The following ACACB variants were observed in gnomAD, a reference collection of about 807,000 sequenced individuals.
The protein encoded by ACACB is acetyl-CoA carboxylase 2.
A neutral mutation model predicts 278.8 loss-of-function variants in ACACB; 209 were observed. That is an observed-to-expected ratio of 0.75 (90% CI 0.67 to 0.84). The LOEUF is 0.84. Ranked by LOEUF, ACACB falls within the 40% of genes least tolerant of loss-of-function variation. The pLI, the probability that ACACB is intolerant of heterozygous loss-of-function variation, is 0.00. For missense variants in ACACB, 2,850 were observed against 3,269.0 expected (o/e 0.87, Z 3.13); for synonymous variants, 1,174 against 1,285.6 (o/e 0.91, Z 1.86).
intron 17 of ACACB, among the ~76,000 whole-genome samples, chr12:109,198,400 C>T (rs552686568): frequency 3.7e-4 from 56 of 152,288 alleles, no homozygotes; most frequent in African/African-American, 1.3e-3. Flanking sequence ...AGGGTCACAT[C>T]CTTTTTATTA....
At chr12:109,164,425 G>A (rs577015942) in intron 2 of ACACB, among the ~76,000 whole-genome samples, 17 of 151,930 alleles carry the variant, frequency 1.1e-4, no homozygotes, top group African/African-American at 4.1e-4. Flanking sequence ...TAGAGATGGG[G>A]TTCACCATAT....
intron 4 of ACACB, 115 bp downstream of exon 4, chr12:109,168,149 G>C: frequency 8.7e-7 from 1 of 1,152,250 alleles, no homozygotes; most frequent in African/African-American, 1.6e-5. Context: ...GACCTCTCAT[G>C]AGTCTGTATT....
Position 109,256,254 on chromosome 12 carries a change from A to C in ACACB, c.6263+18A>C. 6.2e-7 allele frequency: 1 copy of C among 1,609,006 alleles called. No homozygotes were observed. Among genetic ancestry groups the C allele is most frequent in the South Asian group, 1.1e-5 (1 of 90,972 alleles). ...CGAGCAAGGTAATCATGAAGACGGG[A>C]GCAGGCTGCCCATGTCTGACTCACC... is the stretch of plus-strand genomic sequence containing the variant. On this transcript the variant is annotated intron_variant, in intron 45 of 52. Transcript: ENST00000338432.
Position 109,140,245 on chromosome 12 carries a change from TC to T in ACACB, c.653+189del, listed in dbSNP as rs1565857288. Among the ~76,000 whole-genome samples, 3 of 132,540 alleles carry T rather than the reference TC, an allele frequency of 2.3e-5. 1 individual carries two copies. The highest frequency in any genetic ancestry group is 5.2e-5 in the Non-Finnish European group (3 of 58,204). 87.0% of individuals were successfully genotyped at this position (132,540 alleles called of 152,430 possible). On this transcript the variant is annotated intron_variant, in intron 2 of 52. Transcript: ENST00000338432. The stretch of plus-strand genomic sequence containing the variant: ...TTCCTTCCTTCCTTCCTTCCTTCCT[TC>T]CTTCCTTCCATCCTTCCTTCCTTCT...
intron 2 of ACACB, among the ~76,000 whole-genome samples, chr12:109,149,577 C>T (rs1358048204): frequency 1.3e-5 from 2 of 152,144 alleles, no homozygotes; most frequent in African/African-American, 4.8e-5. Flanking sequence ...GAGCAAGACC[C>T]TATCTCTCTT....
At position 109,232,695 on chromosome 12, in the gene ACACB, A is replaced by G; in HGVS notation, c.4028A>G (p.Asn1343Ser). 6.2e-7 allele frequency: 1 copy of G among 1,613,918 alleles called. No homozygotes were observed. The highest frequency in any genetic ancestry group is 8.5e-7 in the Non-Finnish European group (1 of 1,179,988). ...NRMTVPISIT[N>S]PDLLRHSTEL... is the part of the protein sequence containing the mutation. The stretch of plus-strand genomic sequence containing the variant: ...ATGACCGTGCCCATCAGCATCACCA[A>G]CCCTGACCTGCTGAGGCACAGCACA... The change falls in exon 29 of 53, where the codon AAC (asparagine) becomes AGC (serine). Residue 1343 changes from asparagine to serine, a missense_variant. Physicochemically the swap from Asn to Ser is conservative, Grantham distance 46 (BLOSUM62 1). This residue lies in a region of ACACB where 2,265 missense variants were observed against 2,561.3 expected (regional missense o/e 0.88). Transcript: ENST00000338432.
chr12:109,115,495 A>G (rs919473041), upstream of ACACB, among the ~76,000 whole-genome samples: 1 of 152,172 alleles, frequency 6.6e-6, no homozygotes, highest in Non-Finnish European at 1.5e-5. Context: ...TATTGTCTTA[A>G]TAAATAGACT....
At chr12:109,172,219 G>C in intron 5 of ACACB, 56 bp from the exon 6 acceptor site, 1 of 1,549,246 alleles carries the variant, frequency 6.5e-7, no homozygotes, top group South Asian at 1.1e-5. Flanking sequence ...ACTGCACCTG[G>C]CTGGGAGGCA....
intron 43 of ACACB, 146 bp from the exon 44 acceptor site, chr12:109,254,068 C>T: frequency 1.1e-6 from 1 of 927,908 alleles, no homozygotes; most frequent in Non-Finnish European, 1.6e-6. Context: ...TGGCATTTTC[C>T]AATCAGAGCA....
chr12:109,189,302 A>G (rs2136271112), intron 13 of ACACB, among the ~76,000 whole-genome samples: 1 of 152,262 alleles, frequency 6.6e-6, no homozygotes, highest in South Asian at 2.1e-4. Flanking sequence ...AGCTTAGAAT[A>G]ATTAATTTTA....
intron 50 of ACACB, 71 bp downstream of exon 50, chr12:109,264,457 G>C (rs931140181): frequency 6.3e-7 from 1 of 1,584,172 alleles, no homozygotes; most frequent in African/African-American, 1.3e-5. Flanking sequence ...GGACATTTGG[G>C]CTCGGGGGCG....
chr12:109,223,050 C>G, intron 26 of ACACB, 138 bp downstream of exon 26: 2 of 718,876 alleles, frequency 2.8e-6, no homozygotes, highest in Non-Finnish European at 4.7e-6. Flanking sequence ...GACAGTTCAG[C>G]CCAATGTGGC....
chr12:109,215,748 T>G (rs1011712899), intron 22 of ACACB, among the ~76,000 whole-genome samples: 13 of 152,178 alleles, frequency 8.5e-5, no homozygotes, highest in African/African-American at 2.9e-4. Flanking sequence ...CCTGGCCGAC[T>G]GAGCGAGACT....
chr12:109,116,497 C>T (rs1279610259), upstream of ACACB: 2 of 152,242 alleles, frequency 1.3e-5, no homozygotes, highest in African/African-American at 2.4e-5. Flanking sequence ...ATCTTTGCCC[C>T]GGGTTGTTGC....
chr12:109,222,498 T>A lies in ACACB; in HGVS notation c.3565-9T>A, dbSNP rs997267108. On this transcript the variant is annotated splice_polypyrimidine_tract_variant and intron_variant, in intron 24 of 52. Transcript: ENST00000338432. Reference sequence around the variant, plus strand: ...AAAAGCCATTTGGCTTCTTTTTCTGTCCCCTAAGGATGAGCTGTGTGGCCC... The same window carrying A: ...AAAAGCCATTTGGCTTCTTTTTCTGACCCCTAAGGATGAGCTGTGTGGCCC... The A allele has an allele frequency of 1.9e-5, 31 of 1,613,282 alleles. No individual in the cohort carries two copies. The highest frequency in any genetic ancestry group is 2.4e-5 in the Non-Finnish European group (28 of 1,179,432).
chr12:109,140,890 C>CT (rs386377714), intron 2 of ACACB, among the ~76,000 whole-genome samples: 2,817 of 86,518 alleles, frequency 0.033, 181 homozygotes, highest in African/African-American at 0.074. Flanking sequence ...TTCATTCATT[C>CT]TTTTTTTTTT....
chr12:109,240,609 A>T (rs907081941), intron 35 of ACACB, among the ~76,000 whole-genome samples: 24 of 148,244 alleles, frequency 1.6e-4, no homozygotes, highest in African/African-American at 5.9e-4. Context: ...TTATTTAATA[A>T]TATATATTAT....
At chr12:109,200,219 T>C (rs1226788744) in intron 18 of ACACB, among the ~76,000 whole-genome samples, 2 of 151,946 alleles carry the variant, frequency 1.3e-5, no homozygotes, top group Admixed American at 6.6e-5. Context: ...AGTCTCAGTC[T>C]GTCACCCGGG....
Position 109,222,516 on chromosome 12 carries a change from T to A in ACACB, c.3574T>A (p.Cys1192Ser). Residue 1192 changes from cysteine to serine, a missense_variant, in exon 25 of 53, where the codon TGT becomes AGT. Around this residue, in one of 3 missense-constraint regions of ACACB, gnomAD observed 2,265 missense variants for 2,561.3 expected, o/e 0.88. Coordinates refer to ENST00000338432, the MANE Select transcript of ACACB (RefSeq NM_001093.4). ...QLVIMLIDEL[C>S]GPDPSLSDEL... ...TTTTCTGTCCCCTAAGGATGAGCTG[T>A]GTGGCCCAGACCCTTCCCTGTCGGA... The A allele has an allele frequency of 6.2e-7, 1 of 1,614,190 alleles. No individual in the cohort carries two copies. The highest frequency in any genetic ancestry group is 1.1e-5 in the South Asian group (1 of 91,086).
Sources: allele counts gnomAD v4.1 joint callset (sites outside exome capture counted in the v4.1 genomes callset), GRCh38; gene constraint gnomAD v4.1.1; regional missense constraint gnomAD v4.1.1; transcripts MANE v1.5; gene names NCBI Gene and HGNC (gene_info 2026-07-23, HGNC 2026-07-21).